DOCK3: variants seen among roughly 807,000 people sequenced by gnomAD.
DOCK3 encodes dedicator of cytokinesis protein 3.
DOCK3 carries 60 observed loss-of-function variants against 265.6 expected under a neutral mutation model. The ratio of observed to expected loss-of-function variants is 0.23; its 90% CI spans 0.18 to 0.28. The LOEUF (loss-of-function observed/expected upper bound fraction) is 0.28, where lower values mean the gene tolerates loss of function less well. Among genes scored for constraint, DOCK3 ranks in the 10% least tolerant of loss-of-function variants. The probability of loss-of-function intolerance (pLI) is 1.00; values close to 1 mark genes in which losing one functional copy is unlikely to be tolerated. For synonymous variants in DOCK3, 881 were observed against 938.0 expected, an observed-to-expected ratio of 0.94 and a Z score of 1.11; for missense variants, 1,981 against 2,594.3, an observed-to-expected ratio of 0.76 and a Z score of 5.14.
intron 4 of DOCK3, among the ~76,000 whole-genome samples, chr3:50,900,022 C>G (rs1219622219): frequency 1.3e-5 from 2 of 152,076 alleles, no homozygotes; most frequent in African/African-American, 4.8e-5. Flanking sequence ...GTTGGCCTGT[C>G]TTGCTAGGTT....
intron 1 of DOCK3, among the ~76,000 whole-genome samples, chr3:50,708,109 C>T (rs930895576): frequency 2.0e-5 from 3 of 152,126 alleles, no homozygotes; most frequent in African/African-American, 7.2e-5. Context: ...GTAGTGTGGG[C>T]AGTCCTCTGG....
At chr3:50,930,285 A>G (rs1001869272) in intron 4 of DOCK3, among the ~76,000 whole-genome samples, 2 of 152,182 alleles carry the variant, frequency 1.3e-5, no homozygotes, top group Non-Finnish European at 2.9e-5. Flanking sequence ...ATGTTTCCCT[A>G]TTTCCATAGT....
intron 9 of DOCK3, among the ~76,000 whole-genome samples, chr3:51,135,878 T>C (rs2084771090): frequency 6.6e-6 from 1 of 152,038 alleles, no homozygotes; most frequent in African/African-American, 2.4e-5. Flanking sequence ...GTCCAGCTAA[T>C]ATTTAAGTTT....
At chr3:51,251,010 C>T in intron 22 of DOCK3, among the ~76,000 whole-genome samples, 1 of 152,060 alleles carries the variant, frequency 6.6e-6, no homozygotes. Flanking sequence ...CTAATGCTAT[C>T]CCTCCCCCAT....
intron 9 of DOCK3, among the ~76,000 whole-genome samples, chr3:51,098,221 TA>T (rs1450082294): frequency 2.0e-4 from 31 of 152,298 alleles, no homozygotes; most frequent in African/African-American, 7.5e-4. Flanking sequence ...CATGCCCATC[TA>T]ATTTTTGTAT....
At chr3:50,952,422 A>G (rs1384213277) in intron 5 of DOCK3, among the ~76,000 whole-genome samples, 1 of 152,178 alleles carries the variant, frequency 6.6e-6, no homozygotes, top group African/African-American at 2.4e-5. Flanking sequence ...TGTTCACAGA[A>G]AAAAAAGGTA....
At chr3:50,751,492 A>G (rs921948138) in intron 1 of DOCK3, among the ~76,000 whole-genome samples, 3 of 152,152 alleles carry the variant, frequency 2.0e-5, no homozygotes, top group Non-Finnish European at 4.4e-5. Context: ...ACATTGAAGA[A>G]TGGACTTTTT....
At chr3:51,334,805 A>C (rs1018750891) in intron 35 of DOCK3, among the ~76,000 whole-genome samples, 1 of 152,216 alleles carries the variant, frequency 6.6e-6, no homozygotes, top group Non-Finnish European at 1.5e-5. Flanking sequence ...ATAATTTCTT[A>C]GGCTCCAAGG....
At chr3:51,262,651 C>A (rs1216840136) in intron 23 of DOCK3, among the ~76,000 whole-genome samples, 1 of 152,090 alleles carries the variant, frequency 6.6e-6, no homozygotes, top group East Asian at 1.9e-4. Flanking sequence ...TAACCCAATG[C>A]AAGGAAGCTA....
chr3:51,365,451 C>T (rs2087074606), intron 49 of DOCK3, among the ~76,000 whole-genome samples: 2 of 152,172 alleles, frequency 1.3e-5, no homozygotes, highest in South Asian at 4.1e-4. Flanking sequence ...ATTTGACTTC[C>T]TCTTTTCCTA....
At chr3:50,817,178 G>GCACT (rs1240086256) in intron 2 of DOCK3, among the ~76,000 whole-genome samples, 2 of 152,208 alleles carry the variant, frequency 1.3e-5, no homozygotes, top group Non-Finnish European at 2.9e-5. Flanking sequence ...AACTGTCATG[G>GCACT]CACTGGTGAG....
At chr3:50,918,740 G>C (rs909401141) in intron 4 of DOCK3, among the ~76,000 whole-genome samples, 1 of 152,116 alleles carries the variant, frequency 6.6e-6, no homozygotes, top group Non-Finnish European at 1.5e-5. Flanking sequence ...AGTTTCTTTT[G>C]CTGTGTAGAA....
chr3:51,211,976 C>T (rs1264265311), intron 13 of DOCK3, among the ~76,000 whole-genome samples: 3 of 152,098 alleles, frequency 2.0e-5, no homozygotes, highest in Non-Finnish European at 4.4e-5. Flanking sequence ...ACTGGGTGAG[C>T]GAGTGGGTCA....
intron 3 of DOCK3, among the ~76,000 whole-genome samples, chr3:50,856,763 C>T (rs1356342315): frequency 6.6e-6 from 1 of 151,868 alleles, no homozygotes; most frequent in Non-Finnish European, 1.5e-5. Context: ...TGCCTTGTTC[C>T]AGTTCTTAGG....
rs2088775912 is a variant in DOCK3 at position 51,383,273 on chromosome 3, C to T, written c.*1714C>T. 6.6e-6 allele frequency: 1 copy of T among 152,500 alleles called. No individual in the cohort carries two copies. The highest frequency in any genetic ancestry group is 1.5e-5 in the Non-Finnish European group (1 of 68,048). 9.4% of individuals were successfully genotyped at this position (152,500 alleles called of 1,614,324 possible). A position where few individuals can be genotyped will look rare whatever the true frequency, so the allele number is the denominator to read the frequency against. ...CTGGGGGTTTATCACCAGTGTGGGT[C>T]CCTTCTGATACCACCAGGTTCACTC... On this transcript the variant is annotated 3_prime_UTR_variant, in exon 53 of 53. Coordinates refer to ENST00000266037, the MANE Select transcript of DOCK3 (RefSeq NM_004947.5).
At chr3:50,908,903 T>G (rs1337597645) in intron 4 of DOCK3, among the ~76,000 whole-genome samples, 2 of 152,106 alleles carry the variant, frequency 1.3e-5, no homozygotes. Flanking sequence ...GCTGCTCTAT[T>G]GGGTGCATAT....
intron 2 of DOCK3, chr3:50,786,631 G>C (rs1423355109): frequency 1.7e-6 from 1 of 588,914 alleles, no homozygotes; most frequent in Non-Finnish European, 3.2e-6. Context: ...TGGCCTTTAT[G>C]ATTTAAAGTT....
At chr3:51,144,896 A>G (rs1028017567) in intron 9 of DOCK3, among the ~76,000 whole-genome samples, 4 of 152,218 alleles carry the variant, frequency 2.6e-5, no homozygotes, top group Non-Finnish European at 4.4e-5. Context: ...TTGGAATCAC[A>G]TGCTTTGTCT....
intron 5 of DOCK3, among the ~76,000 whole-genome samples, chr3:50,970,360 C>T (rs2077162599): frequency 2.6e-5 from 4 of 152,068 alleles, no homozygotes; most frequent in Non-Finnish European, 5.9e-5. Context: ...TGGAAATTTT[C>T]CTCAATTATT....
Sources: gnomAD v4.1 joint callset for allele counts (sites outside exome capture counted in the v4.1 genomes callset) on GRCh38, gnomAD v4.1.1 for gene constraint, MANE v1.5 for transcripts, NCBI Gene and HGNC (gene_info 2026-07-23, HGNC 2026-07-21) for gene names.